Variants in SCML4 observed in about 807,000 individuals in gnomAD.
The protein encoded by SCML4 is sex comb on midleg-like protein 4.
Under a neutral mutation model 41.1 loss-of-function variants are expected in SCML4, and 34 were observed. That is an observed-to-expected ratio of 0.83 (90% confidence interval 0.63 to 1.10). The LOEUF (loss-of-function observed/expected upper bound fraction) is 1.10, where lower values mean the gene tolerates loss of function less well. Among genes scored for constraint, SCML4 ranks in the 50% least tolerant of loss-of-function variants. SCML4 has a pLI of 0.00. For missense variants in SCML4, 522 were observed against 534.1 expected (o/e 0.98, Z 0.22); for synonymous variants, 214 against 220.9 (o/e 0.97, Z 0.28).
intron 1 of SCML4, among the ~76,000 whole-genome samples, chr6:107,815,416 T>C (rs1253691421): frequency 6.6e-6 from 1 of 152,280 alleles, no homozygotes; most frequent in African/African-American, 2.4e-5. Context: ...TATGTATTTC[T>C]GCTCAGCTGT....
Position 107,715,962 on chromosome 6 carries a change from C to G in SCML4, c.973+4741G>C, listed in dbSNP as rs145063513. Among the ~76,000 whole-genome samples the G allele has an allele frequency of 5.7e-3, 683 of 118,870 alleles. 5 individuals carry two copies. Among genetic ancestry groups the G allele is most frequent in the African/African-American group, 0.021 (645 of 30,634 alleles). The allele number at this position is 118,870 out of a possible 152,430, so 78.0% of individuals were successfully genotyped here. The stretch of plus-strand genomic sequence containing the variant: ...TAACTGCTTTTTACTTGGGATGGAA[C>G]TTCAGAGCAATATTGAACAGTCATT... On this transcript the variant is annotated intron_variant, in intron 6 of 7. Coordinates refer to ENST00000369020, the MANE Select transcript of SCML4 (RefSeq NM_198081.5).
At chr6:107,754,833 G>T (rs992020246) in intron 2 of SCML4, among the ~76,000 whole-genome samples, 1 of 152,162 alleles carries the variant, frequency 6.6e-6, no homozygotes, top group Non-Finnish European at 1.5e-5. Context: ...TAGAGGTCAG[G>T]TGTATTGGCT....
At chr6:107,802,019 C>T (rs1397005968) in intron 1 of SCML4, among the ~76,000 whole-genome samples, 1 of 152,112 alleles carries the variant, frequency 6.6e-6, no homozygotes, top group East Asian at 1.9e-4. Context: ...GATCTGCCCG[C>T]CTCTGTCTCC....
At chr6:107,734,624 T>C (rs1490713614) in intron 5 of SCML4, among the ~76,000 whole-genome samples, 1 of 152,172 alleles carries the variant, frequency 6.6e-6, no homozygotes, top group Non-Finnish European at 1.5e-5. Context: ...GTTCAATATT[T>C]TAAAATATGT....
At chr6:107,710,011 C>G (rs771964136) in intron 6 of SCML4, among the ~76,000 whole-genome samples, 7 of 152,176 alleles carry the variant, frequency 4.6e-5, no homozygotes, top group Non-Finnish European at 8.8e-5. Flanking sequence ...CACCCGGCTT[C>G]CTACCCCTTT....
chr6:107,739,359 T>C (rs570384791), intron 5 of SCML4, among the ~76,000 whole-genome samples: 86 of 152,278 alleles, frequency 5.6e-4, no homozygotes, highest in Admixed American at 1.8e-3. Context: ...AATCACATCT[T>C]TCCCAAATCT....
chr6:107,747,368 C>T (rs1778225721), intron 3 of SCML4, among the ~76,000 whole-genome samples: 2 of 152,274 alleles, frequency 1.3e-5, no homozygotes, highest in Non-Finnish European at 2.9e-5. Context: ...CAAAGCTCTA[C>T]AGACAGTGCT....
chr6:107,737,079 G>A (rs1365687291), intron 5 of SCML4, among the ~76,000 whole-genome samples: 5 of 152,200 alleles, frequency 3.3e-5, no homozygotes, highest in South Asian at 4.1e-4. Flanking sequence ...TTGTTCTGTC[G>A]TGTTGCATAG....
chr6:107,795,936 T>A (rs1782678520), intron 1 of SCML4, among the ~76,000 whole-genome samples: 1 of 152,246 alleles, frequency 6.6e-6, no homozygotes, highest in African/African-American at 2.4e-5. Context: ...ATAAATAGAA[T>A]CATATAATGT....
At chr6:107,826,671 G>T (rs7755216), upstream of SCML4, among the ~76,000 whole-genome samples, 28,090 of 152,130 alleles carry the variant, frequency 0.18, 3,019 homozygotes, top group South Asian at 0.26. Context: ...CTCCCAGATG[G>T]GCTACTGTTG....
chr6:107,770,896 C>A (rs543426292), intron 2 of SCML4, among the ~76,000 whole-genome samples: 16 of 152,318 alleles, frequency 1.1e-4, no homozygotes, highest in African/African-American at 2.9e-4. Flanking sequence ...AACAGAAAGG[C>A]TGCCCTGCTC....
chr6:107,723,939 C>T (rs1399147982), intron 5 of SCML4, among the ~76,000 whole-genome samples: 1 of 152,064 alleles, frequency 6.6e-6, no homozygotes, highest in East Asian at 1.9e-4. Context: ...AACCCGGCAA[C>T]ATATAAAAAG....
intron 5 of SCML4, among the ~76,000 whole-genome samples, chr6:107,731,646 C>T (rs1034678396): frequency 2.0e-5 from 3 of 152,204 alleles, no homozygotes; most frequent in East Asian, 1.9e-4. Flanking sequence ...CCCTGCCGAC[C>T]CCCACACCCT....
intron 3 of SCML4, among the ~76,000 whole-genome samples, chr6:107,747,653 G>A (rs1468606760): frequency 6.6e-6 from 1 of 150,930 alleles, no homozygotes; most frequent in Non-Finnish European, 1.5e-5. Context: ...ATGTTAGAAT[G>A]TCTACAAAAC....
chr6:107,772,110 C>A, intron 2 of SCML4, 62 bp downstream of exon 2: 1 of 1,448,936 alleles, frequency 6.9e-7, no homozygotes, highest in East Asian at 2.5e-5. Flanking sequence ...CAGTGCAGGT[C>A]TGACCAAGTA....
chr6:107,827,550 A>G (rs1211857720), upstream of SCML4, among the ~76,000 whole-genome samples: 2 of 152,174 alleles, frequency 1.3e-5, no homozygotes, highest in Admixed American at 1.3e-4. Flanking sequence ...ATTTGATGGG[A>G]TGACTGGTAT....
intron 2 of SCML4, among the ~76,000 whole-genome samples, chr6:107,758,084 C>T (rs969204107): frequency 2.0e-5 from 3 of 152,310 alleles, no homozygotes; most frequent in African/African-American, 7.2e-5. Context: ...ATCAGACAGA[C>T]ATTTATTCAA....
chr6:107,804,174 C>T (rs1783542572), intron 1 of SCML4, among the ~76,000 whole-genome samples: 1 of 152,024 alleles, frequency 6.6e-6, no homozygotes, highest in Non-Finnish European at 1.5e-5. Flanking sequence ...AAAAGGCTCA[C>T]TCTGGCTGCT....
upstream of SCML4, among the ~76,000 whole-genome samples, chr6:107,825,982 T>C (rs6568510): frequency 0.29 from 40,205 of 140,362 alleles, 8,088 homozygotes; most frequent in African/African-American, 0.58. Flanking sequence ...GGGCTAGGTG[T>C]GGTGGCTCAT....
Sources: gnomAD v4.1 joint callset for allele counts (sites outside exome capture counted in the v4.1 genomes callset) on GRCh38, gnomAD v4.1.1 for gene constraint, MANE v1.5 for transcripts, NCBI Gene and HGNC (gene_info 2026-07-23, HGNC 2026-07-21) for gene names.